Variants in ANO10 observed in about 807,000 individuals in gnomAD.
ANO10 encodes anoctamin 10.
A neutral mutation model predicts 74.7 loss-of-function variants in ANO10; 77 were observed. The ratio of observed to expected loss-of-function variants is 1.03; its 90% confidence interval spans 0.86 to 1.25. The LOEUF (loss-of-function observed/expected upper bound fraction) is 1.25. ANO10 is among the 50% of genes most tolerant of loss of function. ANO10 has a pLI of 0.00. For missense variants in ANO10, 721 were observed against 778.1 expected, an observed-to-expected ratio of 0.93 and a Z score of 0.87; for synonymous variants, 279 against 284.9, an observed-to-expected ratio of 0.98 and a Z score of 0.21.
chr3:43,412,546 C>T (rs560464749), intron 12 of ANO10, among the ~76,000 whole-genome samples: 1 of 152,284 alleles, frequency 6.6e-6, no homozygotes, highest in African/African-American at 2.4e-5. Flanking sequence ...TGCGCCCTGG[C>T]ACTTCCGAAG....
intron 1 of ANO10, among the ~76,000 whole-genome samples, chr3:43,645,756 C>A (rs2083719761): frequency 6.6e-6 from 1 of 152,156 alleles, no homozygotes; most frequent in African/African-American, 2.4e-5. Flanking sequence ...TCTGATAGCT[C>A]TGCACTTAGC....
At chr3:43,458,475 C>T (rs2075237130) in intron 11 of ANO10, among the ~76,000 whole-genome samples, 1 of 152,154 alleles carries the variant, frequency 6.6e-6, no homozygotes, top group African/African-American at 2.4e-5. Flanking sequence ...CCTCCACATC[C>T]TCCTTTTACT....
intron 12 of ANO10, among the ~76,000 whole-genome samples, chr3:43,370,908 G>C (rs1425025847): frequency 2.0e-5 from 3 of 152,138 alleles, no homozygotes; most frequent in African/African-American, 7.2e-5. Context: ...AATACTTTCT[G>C]AGAATTGCAA....
At chr3:43,566,652 A>C (rs1285865713) in intron 7 of ANO10, among the ~76,000 whole-genome samples, 5 of 152,216 alleles carry the variant, frequency 3.3e-5, no homozygotes, top group Admixed American at 3.3e-4. Flanking sequence ...AAACTAACAA[A>C]CAGAAAGGAC....
At chr3:43,474,725 A>T (rs913400064) in intron 11 of ANO10, among the ~76,000 whole-genome samples, 6 of 152,224 alleles carry the variant, frequency 3.9e-5, no homozygotes, top group Admixed American at 6.5e-5. Flanking sequence ...TGTTTAAAGA[A>T]ATTTGCATTT....
At chr3:43,464,819 A>G (rs1252342945) in intron 11 of ANO10, among the ~76,000 whole-genome samples, 1 of 152,260 alleles carries the variant, frequency 6.6e-6, no homozygotes, top group Non-Finnish European at 1.5e-5. Context: ...TTCAGGATAA[A>G]AAGTCTCAGT....
At chr3:43,395,556 T>C (rs1280608887) in intron 12 of ANO10, among the ~76,000 whole-genome samples, 2 of 152,236 alleles carry the variant, frequency 1.3e-5, no homozygotes, top group African/African-American at 4.8e-5. Flanking sequence ...CTCTACTGCA[T>C]GGTCTTTGCA....
intron 11 of ANO10, among the ~76,000 whole-genome samples, chr3:43,438,274 T>TAAAAATA (rs1385693243): frequency 2.0e-5 from 3 of 151,778 alleles, no homozygotes; most frequent in Non-Finnish European, 4.4e-5. Flanking sequence ...TCTACAAAAA[T>TAAAAATA]AAAAATAAAA....
intron 11 of ANO10, among the ~76,000 whole-genome samples, chr3:43,468,363 C>G (rs1270556399): frequency 1.3e-5 from 2 of 152,180 alleles, no homozygotes; most frequent in Non-Finnish European, 2.9e-5. Context: ...ACCCAAAACA[C>G]TTTCCTGTAA....
At chr3:43,418,187 G>A (rs1016275019) in intron 12 of ANO10, among the ~76,000 whole-genome samples, 14 of 152,330 alleles carry the variant, frequency 9.2e-5, no homozygotes, top group Middle Eastern at 3.4e-3. Context: ...TGAGGCAGGG[G>A]AATCGTCTGA....
chr3:43,441,264 T>G (rs1575813887), intron 11 of ANO10, among the ~76,000 whole-genome samples: 1 of 146,426 alleles, frequency 6.8e-6, no homozygotes, highest in Admixed American at 6.7e-5. Context: ...TTCGAAAAGA[T>G]CAACAAAATT....
At chr3:43,421,494 C>A (rs557829679) in intron 12 of ANO10, among the ~76,000 whole-genome samples, 1 of 151,964 alleles carries the variant, frequency 6.6e-6, no homozygotes, top group South Asian at 2.1e-4. Context: ...TGCATTCCAG[C>A]CTGGGTGACA....
intron 1 of ANO10, among the ~76,000 whole-genome samples, chr3:43,678,983 A>G (rs1036795519): frequency 6.6e-5 from 10 of 152,140 alleles, no homozygotes; most frequent in African/African-American, 2.4e-4. Flanking sequence ...GCTGAATAGG[A>G]ACAGCTGCAG....
At chr3:43,688,715 G>A (rs1389834287) in intron 1 of ANO10, among the ~76,000 whole-genome samples, 1 of 151,960 alleles carries the variant, frequency 6.6e-6, no homozygotes, top group East Asian at 1.9e-4. Context: ...GTGGTGGCGG[G>A]TGCCTGGAAT....
chr3:43,379,752 C>T (rs374871221), intron 12 of ANO10, among the ~76,000 whole-genome samples: 9 of 152,244 alleles, frequency 5.9e-5, no homozygotes, highest in African/African-American at 2.2e-4. Flanking sequence ...CCCTGATGAC[C>T]TGTGTGATAC....
chr3:43,372,252 TC>T (rs1333205002), intron 12 of ANO10, among the ~76,000 whole-genome samples: 1 of 151,678 alleles, frequency 6.6e-6, no homozygotes, highest in Non-Finnish European at 1.5e-5. Flanking sequence ...GGATGCCTGC[TC>T]CCCCGGCCCA....
chr3:43,542,637 C>T (rs1456239268), intron 11 of ANO10, among the ~76,000 whole-genome samples: 1 of 152,212 alleles, frequency 6.6e-6, no homozygotes, highest in Non-Finnish European at 1.5e-5. Context: ...TCCAAGGAAA[C>T]TGAGACTCAA....
intron 11 of ANO10, among the ~76,000 whole-genome samples, chr3:43,523,363 T>C (rs1220900643): frequency 6.6e-6 from 1 of 152,006 alleles, no homozygotes; most frequent in African/African-American, 2.4e-5. Context: ...ATCCTGAAAA[T>C]GGTAGAGAGG....
chr3:43,635,426 T>C (rs983344583), intron 1 of ANO10, among the ~76,000 whole-genome samples: 1 of 152,226 alleles, frequency 6.6e-6, no homozygotes, highest in African/African-American at 2.4e-5. Flanking sequence ...CTATAGATGT[T>C]ACACTGACTG....
Sources: allele counts gnomAD v4.1 joint callset (sites outside exome capture counted in the v4.1 genomes callset), GRCh38; gene constraint gnomAD v4.1.1; transcripts MANE v1.5; gene names NCBI Gene and HGNC (gene_info 2026-07-23, HGNC 2026-07-21).